The following CSMD3 variants were observed in gnomAD, a reference collection of about 807,000 sequenced individuals.
The protein encoded by CSMD3 is CUB and Sushi multiple domains 3.
In CSMD3, 177 loss-of-function variants were observed where a neutral mutation model predicts 435.2. That is an observed-to-expected ratio of 0.41 (90% CI 0.36 to 0.46). The LOEUF (loss-of-function observed/expected upper bound fraction) is 0.46, where lower values mean the gene tolerates loss of function less well. Among genes scored for constraint, CSMD3 ranks in the 20% least tolerant of loss-of-function variants. The pLI, the probability that CSMD3 is intolerant of heterozygous loss-of-function variation, is 0.34. For missense variants in CSMD3, 4,265 were observed against 4,504.6 expected, an observed-to-expected ratio of 0.95 and a Z score of 1.52; for synonymous variants, 1,656 against 1,520.5, an observed-to-expected ratio of 1.09 and a Z score of -2.07.
At chr8:112,714,798 T>G (rs535346138) in intron 13 of CSMD3, among the ~76,000 whole-genome samples, 3 of 152,246 alleles carry the variant, frequency 2.0e-5, no homozygotes, top group East Asian at 3.9e-4. Context: ...ACATGGAAAT[T>G]GAATAACCTG....
chr8:113,057,512 A>G (rs572487567), intron 5 of CSMD3, among the ~76,000 whole-genome samples: 193 of 152,234 alleles, frequency 1.3e-3, no homozygotes, highest in African/African-American at 4.5e-3. Context: ...TTACCAGAAC[A>G]TAAATTTAGA....
intron 5 of CSMD3, among the ~76,000 whole-genome samples, chr8:113,065,624 G>C (rs1446709153): frequency 6.6e-6 from 1 of 152,004 alleles, no homozygotes; most frequent in East Asian, 1.9e-4. Flanking sequence ...TCCTGACTTC[G>C]TGATCCGCCC....
intron 3 of CSMD3, among the ~76,000 whole-genome samples, chr8:113,259,462 G>T (rs1049786905): frequency 2.0e-5 from 3 of 152,024 alleles, no homozygotes; most frequent in African/African-American, 4.8e-5. Flanking sequence ...TATTTTGAAT[G>T]ACTCTGAGGT....
chr8:113,038,864 T>C (rs190569317), intron 5 of CSMD3, among the ~76,000 whole-genome samples: 73 of 151,596 alleles, frequency 4.8e-4, no homozygotes, highest in Non-Finnish European at 8.5e-4. Flanking sequence ...AAATGAATGC[T>C]TTTTCTTTGG....
chr8:112,696,703 A>G (rs1372503032), intron 13 of CSMD3, among the ~76,000 whole-genome samples: 1 of 152,174 alleles, frequency 6.6e-6, no homozygotes, highest in Non-Finnish European at 1.5e-5. Flanking sequence ...AGCAATGGCA[A>G]CAAAAGCCAA....
chr8:112,489,437 A>G (rs1002661132), intron 31 of CSMD3, among the ~76,000 whole-genome samples: 1 of 152,194 alleles, frequency 6.6e-6, no homozygotes, highest in Non-Finnish European at 1.5e-5. Context: ...AAAATAAAAA[A>G]GATATTAAGT....
At chr8:112,789,211 AGAGT>A (rs1376514007) in intron 13 of CSMD3, among the ~76,000 whole-genome samples, 4 of 152,148 alleles carry the variant, frequency 2.6e-5, no homozygotes, top group Non-Finnish European at 1.5e-5. Context: ...GTTCTGAGAG[AGAGT>A]GTCTCAGGAT....
At chr8:113,178,624 G>A (rs913792012) in intron 3 of CSMD3, among the ~76,000 whole-genome samples, 1 of 151,894 alleles carries the variant, frequency 6.6e-6, no homozygotes, top group African/African-American at 2.4e-5. Context: ...GATCTGGAAA[G>A]GATTTCCTGA....
chr8:112,623,946 T>A (rs1420539689), intron 22 of CSMD3, among the ~76,000 whole-genome samples: 2 of 151,998 alleles, frequency 1.3e-5, no homozygotes, highest in African/African-American at 4.8e-5. Context: ...GTTTAGAGTA[T>A]CCCAAATCTA....
chr8:112,261,800 C>T (rs1816427993), intron 61 of CSMD3, among the ~76,000 whole-genome samples: 1 of 151,842 alleles, frequency 6.6e-6, no homozygotes, highest in African/African-American at 2.4e-5. Flanking sequence ...TATGGTACTC[C>T]ATATCCTCAC....
At chr8:112,629,079 T>C (rs1177450371) in intron 22 of CSMD3, among the ~76,000 whole-genome samples, 1 of 152,202 alleles carries the variant, frequency 6.6e-6, no homozygotes. Context: ...ATAAGGTAGA[T>C]AATGATAGAT....
intron 1 of CSMD3, among the ~76,000 whole-genome samples, chr8:113,400,286 A>G (rs2094504033): frequency 6.6e-6 from 1 of 151,920 alleles, no homozygotes; most frequent in African/African-American, 2.4e-5. Flanking sequence ...CACAAAAACA[A>G]TTCTGATATT....
chr8:112,635,513 TA>T (rs909648648), intron 22 of CSMD3, among the ~76,000 whole-genome samples: 107 of 145,880 alleles, frequency 7.3e-4, no homozygotes, highest in Middle Eastern at 3.4e-3. Context: ...AAAATGTCCT[TA>T]AAAAAAAAAA....
intron 10 of CSMD3, among the ~76,000 whole-genome samples, chr8:112,894,023 T>C (rs1300725345): frequency 6.6e-6 from 1 of 151,352 alleles, no homozygotes; most frequent in Non-Finnish European, 1.5e-5. Flanking sequence ...ATACATTGGA[T>C]TTAAAGCCAA....
At chr8:112,536,884 T>C (rs912114760) in intron 27 of CSMD3, among the ~76,000 whole-genome samples, 4 of 151,670 alleles carry the variant, frequency 2.6e-5, no homozygotes, top group African/African-American at 2.4e-5. Flanking sequence ...ATGGATGAAA[T>C]TGGAAATCAT....
chr8:112,867,976 T>G (rs184803404), intron 10 of CSMD3, among the ~76,000 whole-genome samples: 54 of 152,328 alleles, frequency 3.5e-4, no homozygotes, highest in Admixed American at 3.2e-3. Flanking sequence ...ATAACAACAC[T>G]TAGCTTAAAA....
chr8:112,812,595 C>T (rs924575293), intron 12 of CSMD3, among the ~76,000 whole-genome samples: 32 of 152,282 alleles, frequency 2.1e-4, no homozygotes, highest in African/African-American at 7.7e-4. Flanking sequence ...CGGTCTCTCA[C>T]TCTGCTTTAT....
intron 45 of CSMD3, 90 bp downstream of exon 45, chr8:112,335,239 A>G (rs1824446105): frequency 1.6e-6 from 2 of 1,273,046 alleles, no homozygotes; most frequent in Non-Finnish European, 2.2e-6. Context: ...ATACCTTTTC[A>G]ATCATTGGTT....
chr8:112,226,958 T>C (rs1237716080), intron 70 of CSMD3, among the ~76,000 whole-genome samples: 1 of 152,166 alleles, frequency 6.6e-6, no homozygotes, highest in Non-Finnish European at 1.5e-5. Context: ...GCAGAACCTT[T>C]ATCCATTGCC....
Sources: allele counts gnomAD v4.1 joint callset (sites outside exome capture counted in the v4.1 genomes callset), GRCh38; gene constraint gnomAD v4.1.1; transcripts MANE v1.5; gene names NCBI Gene and HGNC (gene_info 2026-07-23, HGNC 2026-07-21).